GALNT17: variants seen among roughly 807,000 people sequenced by gnomAD.
GALNT17 encodes polypeptide N-acetylgalactosaminyltransferase 17.
A neutral mutation model predicts 63.7 loss-of-function variants in GALNT17; 29 were observed. That is an observed-to-expected ratio of 0.46 (90% CI 0.34 to 0.62). The LOEUF (loss-of-function observed/expected upper bound fraction) is 0.62. Ranked by LOEUF, GALNT17 falls within the 20% of genes least tolerant of loss-of-function variation. GALNT17 has a pLI of 0.01. For missense variants in GALNT17, 603 were observed against 799.6 expected (o/e 0.75, Z 2.97); for synonymous variants, 305 against 318.3 (o/e 0.96, Z 0.45).
At chr7:71,261,584 C>T (rs1379538397) in intron 1 of GALNT17, among the ~76,000 whole-genome samples, 1 of 152,154 alleles carries the variant, frequency 6.6e-6, no homozygotes, top group Non-Finnish European at 1.5e-5. Context: ...GGGTCACCAA[C>T]CAAGAGGAGG....
At chr7:71,664,016 T>TA (rs1487332706) in intron 6 of GALNT17, among the ~76,000 whole-genome samples, 2 of 145,046 alleles carry the variant, frequency 1.4e-5, no homozygotes, top group African/African-American at 2.6e-5. Context: ...CATAAATTAA[T>TA]TTTTTTTTTT....
chr7:71,438,139 ATATG>A (rs918164089), intron 5 of GALNT17, among the ~76,000 whole-genome samples: 21 of 152,176 alleles, frequency 1.4e-4, no homozygotes, highest in Non-Finnish European at 2.5e-4. Flanking sequence ...AACTAATAAT[ATATG>A]TATGTATGTA....
At chr7:71,679,081 C>T (rs865817788) in intron 9 of GALNT17, among the ~76,000 whole-genome samples, 1 of 152,082 alleles carries the variant, frequency 6.6e-6, no homozygotes. Context: ...GAAGCCTAGA[C>T]CTTCTCCTCT....
At chr7:71,576,539 G>C (rs933928537) in intron 6 of GALNT17, among the ~76,000 whole-genome samples, 2 of 151,136 alleles carry the variant, frequency 1.3e-5, no homozygotes, top group African/African-American at 4.9e-5. Context: ...TTGTGTGTGT[G>C]TGTGTGTGTG....
intron 5 of GALNT17, among the ~76,000 whole-genome samples, chr7:71,458,314 G>C (rs1787390328): frequency 6.6e-6 from 1 of 152,178 alleles, no homozygotes; most frequent in African/African-American, 2.4e-5. Context: ...TGTGCTGCAG[G>C]GGCATGGCTT....
chr7:71,383,466 T>C (rs1016316581), intron 2 of GALNT17, among the ~76,000 whole-genome samples: 6 of 152,202 alleles, frequency 3.9e-5, no homozygotes, highest in African/African-American at 1.4e-4. Flanking sequence ...TGAGACTGAG[T>C]CTTGCTCTGT....
chr7:71,391,355 C>T (rs1379594186), intron 3 of GALNT17, among the ~76,000 whole-genome samples: 2 of 152,214 alleles, frequency 1.3e-5, no homozygotes, highest in Non-Finnish European at 2.9e-5. Context: ...TCAGCCATAA[C>T]TCCAGCTCCT....
At chr7:71,582,184 A>C (rs1317461197) in intron 6 of GALNT17, among the ~76,000 whole-genome samples, 1 of 152,184 alleles carries the variant, frequency 6.6e-6, no homozygotes, top group African/African-American at 2.4e-5. Context: ...GTCATTTTAC[A>C]AAAAAGATAC....
At chr7:71,711,843 TC>T (rs1791798068) in intron 10 of GALNT17, among the ~76,000 whole-genome samples, 174 bp from the exon 11 acceptor site, 2 of 151,518 alleles carry the variant, frequency 1.3e-5, no homozygotes, top group Admixed American at 6.6e-5. Flanking sequence ...TTTTTCTCTC[TC>T]TCCTCTTTCT....
chr7:71,244,584 A>G (rs544858424), intron 1 of GALNT17, among the ~76,000 whole-genome samples: 1 of 152,268 alleles, frequency 6.6e-6, no homozygotes, highest in South Asian at 2.1e-4. Flanking sequence ...TATGGTGAGG[A>G]ATGAAGAGAG....
At chr7:71,463,479 C>T in intron 5 of GALNT17, among the ~76,000 whole-genome samples, 1 of 152,004 alleles carries the variant, frequency 6.6e-6, no homozygotes, top group East Asian at 1.9e-4. Context: ...TCTTGGATCT[C>T]ACGCAAGAAA....
At chr7:71,308,242 A>G (rs1791343807) in intron 1 of GALNT17, among the ~76,000 whole-genome samples, 1 of 152,126 alleles carries the variant, frequency 6.6e-6, no homozygotes, top group Non-Finnish European at 1.5e-5. Context: ...AGAAAGAAGC[A>G]TTGGATTGCA....
At chr7:71,352,388 G>T (rs1330920438) in intron 2 of GALNT17, among the ~76,000 whole-genome samples, 1 of 152,160 alleles carries the variant, frequency 6.6e-6, no homozygotes, top group Non-Finnish European at 1.5e-5. Context: ...AGTAAGATGG[G>T]AAGAAGTAGA....
At chr7:71,344,175 T>A (rs1792052022) in intron 2 of GALNT17, among the ~76,000 whole-genome samples, 1 of 152,056 alleles carries the variant, frequency 6.6e-6, no homozygotes, top group Non-Finnish European at 1.5e-5. Context: ...TTGATCTTAT[T>A]GGCAAGCAGG....
chr7:71,664,263 TC>T (rs1487366708), intron 6 of GALNT17, among the ~76,000 whole-genome samples: 11 of 152,174 alleles, frequency 7.2e-5, no homozygotes, highest in African/African-American at 2.7e-4. Flanking sequence ...AGTGGATGCT[TC>T]CAGAAGGCTT....
chr7:71,491,189 C>T (rs756012592), intron 5 of GALNT17, among the ~76,000 whole-genome samples: 4 of 151,920 alleles, frequency 2.6e-5, no homozygotes, highest in Non-Finnish European at 4.4e-5. Flanking sequence ...AGCGAAAATC[C>T]GTCTCAGAAA....
At chr7:71,407,823 A>G (rs1216291424) in intron 3 of GALNT17, among the ~76,000 whole-genome samples, 1 of 152,122 alleles carries the variant, frequency 6.6e-6, no homozygotes, top group Non-Finnish European at 1.5e-5. Flanking sequence ...AAAAGACCAC[A>G]TATTTTACGA....
chr7:71,430,368 T>A (rs145083426), intron 5 of GALNT17, among the ~76,000 whole-genome samples: 19 of 152,298 alleles, frequency 1.2e-4, no homozygotes, highest in African/African-American at 4.3e-4. Context: ...GAACTTTTGC[T>A]CGTAGCTTGA....
intron 5 of GALNT17, among the ~76,000 whole-genome samples, chr7:71,471,399 C>CAAAAAAAAAAAAAAAAA: frequency 1.1e-5 from 1 of 89,590 alleles, no homozygotes; most frequent in Non-Finnish European, 2.4e-5. Context: ...TTTTTTTTTC[C>CAAAAAAAAAAAAAAAAA]AAAAAAAAAA....
Sources: gnomAD v4.1 joint callset for allele counts (sites outside exome capture counted in the v4.1 genomes callset) on GRCh38, gnomAD v4.1.1 for gene constraint, MANE v1.5 for transcripts, NCBI Gene and HGNC (gene_info 2026-07-23, HGNC 2026-07-21) for gene names.